Variants in PPM1B observed in about 807,000 individuals in gnomAD.
The protein encoded by PPM1B is protein phosphatase 1B.
Under a neutral mutation model 43.0 loss-of-function variants are expected in PPM1B, and 22 were observed. That is an observed-to-expected ratio of 0.51 (90% confidence interval 0.37 to 0.73). The LOEUF (loss-of-function observed/expected upper bound fraction) is 0.73, where lower values mean the gene tolerates loss of function less well. Ranked by LOEUF, PPM1B falls within the 30% of genes least tolerant of loss-of-function variation. PPM1B has a pLI of 0.00. For synonymous variants in PPM1B, 217 were observed against 197.9 expected (o/e 1.10, Z -0.81); for missense variants, 632 against 584.2 (o/e 1.08, Z -0.84).
At chr2:44,176,024 TC>T (rs745572798) in intron 1 of PPM1B, among the ~76,000 whole-genome samples, 65 of 152,140 alleles carry the variant, frequency 4.3e-4, no homozygotes, top group Non-Finnish European at 7.8e-4. Context: ...GACCTCATGA[TC>T]CACCTGCCTC....
chr2:44,173,500 A>G (rs1490783472), intron 1 of PPM1B, among the ~76,000 whole-genome samples: 1 of 152,194 alleles, frequency 6.6e-6, no homozygotes, highest in Non-Finnish European at 1.5e-5. Context: ...TTTAACTTTA[A>G]TAACAACCAT....
chr2:44,169,910 T>C (rs559087477), intron 1 of PPM1B, among the ~76,000 whole-genome samples: 3 of 152,122 alleles, frequency 2.0e-5, no homozygotes, highest in African/African-American at 4.8e-5. Flanking sequence ...CTGCCACTTA[T>C]TGTCAGTACC....
rs1670462255 is a variant in PPM1B, at chr2:44,231,344, T to G, written c.*626T>G. 3 of 978,392 alleles carry G rather than the reference T, an allele frequency of 3.1e-6. No individual in the cohort carries two copies. The South Asian group carries it at 1.4e-4, about 46-fold the overall frequency. 60.6% of individuals were successfully genotyped at this position (978,392 alleles called of 1,614,324 possible). ...TAACTTTTGAAAAACCTATGTATTA[T>G]TCATACAGCTTTGGTTTGTATATTC... is the stretch of plus-strand genomic sequence containing the variant. On this transcript the variant is annotated 3_prime_UTR_variant, in exon 6 of 6. Transcript: ENST00000282412.
chr2:44,176,345 A>G (rs1667580139), intron 1 of PPM1B, among the ~76,000 whole-genome samples: 2 of 152,330 alleles, frequency 1.3e-5, no homozygotes, highest in Admixed American at 6.5e-5. Context: ...TTCTTACGTG[A>G]GTATAGCTGA....
At chr2:44,224,322 G>T (rs981192937) in intron 5 of PPM1B, among the ~76,000 whole-genome samples, 3 of 151,942 alleles carry the variant, frequency 2.0e-5, no homozygotes, top group African/African-American at 7.3e-5. Flanking sequence ...GGGCGTGGTG[G>T]CGGGCGCCTG....
At chr2:44,213,474 C>T (rs1285981465) in intron 3 of PPM1B, among the ~76,000 whole-genome samples, 1 of 151,396 alleles carries the variant, frequency 6.6e-6, no homozygotes, top group Non-Finnish European at 1.5e-5. Flanking sequence ...ATATAGTAGG[C>T]CACAGTAATT....
intron 5 of PPM1B, among the ~76,000 whole-genome samples, chr2:44,241,855 A>ATATT (rs1308907282): frequency 3.0e-5 from 1 of 32,852 alleles, no homozygotes; most frequent in Non-Finnish European, 5.5e-5. Flanking sequence ...TTAGAAAATA[A>ATATT]TCTTTTTTTT....
intron 1 of PPM1B, among the ~76,000 whole-genome samples, chr2:44,196,373 A>G (rs1227430918): frequency 1.3e-5 from 2 of 152,040 alleles, no homozygotes; most frequent in Non-Finnish European, 1.5e-5. Context: ...TGGGGTTATT[A>G]TGGATTTTGT....
At chr2:44,223,871 A>G (rs1027761811) in intron 5 of PPM1B, among the ~76,000 whole-genome samples, 11 of 149,716 alleles carry the variant, frequency 7.3e-5, no homozygotes, top group Non-Finnish European at 1.3e-4. Flanking sequence ...ATGCACTAAC[A>G]TTAGTCACTA....
intron 1 of PPM1B, 92 bp downstream of exon 1, chr2:44,169,366 C>G (rs939337600): frequency 6.6e-6 from 1 of 152,266 alleles, no homozygotes; most frequent in African/African-American, 2.4e-5. Context: ...GCGGTGCTGC[C>G]GAGCCGCGGC....
chr2:44,234,211 T>C, downstream of PPM1B: 1 of 983,724 alleles, frequency 1.0e-6, no homozygotes, highest in Non-Finnish European at 1.2e-6. Flanking sequence ...TAGAAATATT[T>C]ATACTCCTTT....
At chr2:44,241,873 T>TTTTTTG in intron 5 of PPM1B, among the ~76,000 whole-genome samples, 1 of 141,062 alleles carries the variant, frequency 7.1e-6, no homozygotes, top group Non-Finnish European at 1.5e-5. Flanking sequence ...TTTTTTTTTT[T>TTTTTTG]TTTGAGACGG....
chr2:44,205,535 C>T (rs889904365), intron 2 of PPM1B, among the ~76,000 whole-genome samples: 4 of 152,098 alleles, frequency 2.6e-5, no homozygotes, highest in African/African-American at 9.7e-5. Context: ...CTTAGGGAAC[C>T]ACTGCTCATG....
rs944017621 is a variant in PPM1B, at chr2:44,173,073, G to T, written c.-15+3799G>T. 2.0e-5 allele frequency among the ~76,000 whole-genome samples: 3 copies of T among 152,230 alleles called. No individual in the cohort carries two copies. In the East Asian group the frequency reaches 5.8e-4, roughly 29 times the overall value. On this transcript the variant is annotated intron_variant, in intron 1 of 5. Coordinates refer to ENST00000282412, the MANE Select transcript of PPM1B (RefSeq NM_002706.6). Reference sequence around the variant, plus strand: ...CTCACGCCCATAATCCCAGCACTTTGGGAAGCCAAGGCAGGCAGATCACTT... The same window carrying T: ...CTCACGCCCATAATCCCAGCACTTTTGGAAGCCAAGGCAGGCAGATCACTT...
chr2:44,197,420 C>T (rs544663566), intron 1 of PPM1B, among the ~76,000 whole-genome samples: 1 of 152,244 alleles, frequency 6.6e-6, no homozygotes, highest in Non-Finnish European at 1.5e-5. Context: ...CACTTGGCCA[C>T]TAATGTTAAC....
intron 2 of PPM1B, among the ~76,000 whole-genome samples, chr2:44,205,715 A>G (rs1053562037): frequency 3.9e-5 from 6 of 152,070 alleles, no homozygotes; most frequent in Non-Finnish European, 7.4e-5. Flanking sequence ...ATTCTTTTAA[A>G]TTGTTCTTTT....
chr2:44,207,598 G>T (rs1208454272), intron 2 of PPM1B, among the ~76,000 whole-genome samples: 4 of 150,036 alleles, frequency 2.7e-5, no homozygotes, highest in Non-Finnish European at 5.9e-5. Flanking sequence ...TTTTTTGAGA[G>T]AGAGTCTTGC....
At chr2:44,223,529 G>A (rs1048006111) in intron 5 of PPM1B, among the ~76,000 whole-genome samples, 1 of 152,062 alleles carries the variant, frequency 6.6e-6, no homozygotes. Flanking sequence ...GAAAATGCAG[G>A]CCGGGCGCGG....
At chr2:44,245,583 A>C (rs779325545), downstream of PPM1B, among the ~76,000 whole-genome samples, 30 of 152,222 alleles carry the variant, frequency 2.0e-4, no homozygotes, top group Non-Finnish European at 5.9e-5. Context: ...CTGTACAATG[A>C]CTAGAGAGAA....
Sources: allele counts gnomAD v4.1 joint callset (sites outside exome capture counted in the v4.1 genomes callset), GRCh38; gene constraint gnomAD v4.1.1; transcripts MANE v1.5; gene names NCBI Gene and HGNC (gene_info 2026-07-23, HGNC 2026-07-21).